The following A1CF variants were observed in gnomAD, a reference collection of about 807,000 sequenced individuals.
A1CF encodes APOBEC-1 stimulating protein.
A neutral mutation model predicts 68.9 loss-of-function variants in A1CF; 48 were observed. That is an observed-to-expected ratio of 0.70 (90% CI 0.55 to 0.89). The LOEUF (loss-of-function observed/expected upper bound fraction) is 0.89, where lower values mean the gene tolerates loss of function less well. Among genes scored for constraint, A1CF ranks in the 40% least tolerant of loss-of-function variants. The pLI, the probability that A1CF is intolerant of heterozygous loss-of-function variation, is 0.00. For synonymous variants in A1CF, 272 were observed against 260.4 expected, an observed-to-expected ratio of 1.04 and a Z score of -0.43; for missense variants, 653 against 718.9, an observed-to-expected ratio of 0.91 and a Z score of 1.05.
chr10:50,809,850 A>G, intron 12 of A1CF, 44 bp downstream of exon 12: 3 of 1,610,784 alleles, frequency 1.9e-6, no homozygotes, highest in Non-Finnish European at 2.5e-6. Context: ...GGGTTTCCCA[A>G]ATACTCTCTG....
intron 2 of A1CF, among the ~76,000 whole-genome samples, chr10:50,863,215 A>G (rs1391450505): frequency 2.6e-5 from 4 of 152,190 alleles, no homozygotes; most frequent in Non-Finnish European, 4.4e-5. Context: ...TTTAATTTTT[A>G]TTTTGCAAAA....
At chr10:50,828,400 G>C (rs1281996617) in intron 6 of A1CF, 105 bp from the exon 7 acceptor site, 1 of 838,670 alleles carries the variant, frequency 1.2e-6, no homozygotes, top group Non-Finnish European at 1.7e-6. Context: ...TTGAGGTCTT[G>C]AATGAGCAAG....
chr10:50,852,920 G>A (rs1370286430), intron 3 of A1CF, among the ~76,000 whole-genome samples: 1 of 152,152 alleles, frequency 6.6e-6, no homozygotes, highest in Admixed American at 6.5e-5. Flanking sequence ...TGGAGAGTTA[G>A]CTTAATTTGG....
chr10:50,857,091 G>A (rs1241707309), intron 3 of A1CF, among the ~76,000 whole-genome samples: 1 of 151,970 alleles, frequency 6.6e-6, no homozygotes, highest in African/African-American at 2.4e-5. Context: ...TGTTACAATT[G>A]TCCTTCAGAT....
At chr10:50,840,095 A>G (rs549238543) in intron 5 of A1CF, among the ~76,000 whole-genome samples, 152 of 152,248 alleles carry the variant, frequency 1.0e-3, no homozygotes, top group African/African-American at 3.4e-3. Flanking sequence ...GACTGTAAGG[A>G]TAATGTATGA....
chr10:50,879,714 C>G (rs1385702598), intron 1 of A1CF, among the ~76,000 whole-genome samples: 1 of 152,184 alleles, frequency 6.6e-6, no homozygotes, highest in Non-Finnish European at 1.5e-5. Context: ...CCCCCATAAT[C>G]CTATCACTTC....
chr10:50,864,457 A>T (rs1840887896), intron 1 of A1CF, among the ~76,000 whole-genome samples: 2 of 152,140 alleles, frequency 1.3e-5, no homozygotes, highest in African/African-American at 4.8e-5. Context: ...CAAAGGACAC[A>T]AAGTATTGAA....
At chr10:50,816,306 A>T (rs778425775) in intron 8 of A1CF, 27 bp from the exon 9 acceptor site, 17 of 1,607,788 alleles carry the variant, frequency 1.1e-5, no homozygotes, top group South Asian at 2.2e-5. Context: ...AGAAATATCA[A>T]CGCGAGATGA....
chr10:50,813,913 G>A lies in A1CF; in HGVS notation c.1267C>T (p.Leu423Phe). 1 of 1,613,792 alleles carries A rather than the reference G, an allele frequency of 6.2e-7. No individual in the cohort carries two copies. The highest frequency in any genetic ancestry group is 8.5e-7 in the Non-Finnish European group (1 of 1,179,806). The change falls in exon 10 of 13, where the codon CTC (leucine) becomes TTC (phenylalanine). Residue 423 changes from leucine to phenylalanine, a missense_variant. By Grantham distance (22) the Leu-to-Phe change is conservative (BLOSUM62 0). Coordinates refer to ENST00000373997, the MANE Select transcript of A1CF (RefSeq NM_014576.4). ...AATGTGACAGGATTCATTGGGGTGAGCTCCATCCCAGGTAAAATGTCATAG... is the reference window on the plus strand; with the variant it reads ...AATGTGACAGGATTCATTGGGGTGAACTCCATCCCAGGTAAAATGTCATAG... Reference protein sequence around the residue: ...KLYDILPGMELTPMNPVTLKP... With the variant: ...KLYDILPGMEFTPMNPVTLKP...
intron 3 of A1CF, among the ~76,000 whole-genome samples, chr10:50,857,214 C>T (rs1004817489): frequency 6.6e-6 from 1 of 151,980 alleles, no homozygotes; most frequent in Non-Finnish European, 1.5e-5. Context: ...TTTAAGGAGT[C>T]CATGTATGAT....
At chr10:50,810,977 A>T in intron 11 of A1CF, 63 bp downstream of exon 11, 1 of 1,503,546 alleles carries the variant, frequency 6.7e-7, no homozygotes, top group Non-Finnish European at 9.0e-7. Context: ...TGGTGACTAA[A>T]TGCATTTAAT....
In A1CF at chr10:50,811,130, T is replaced by C. The variant is rs1390826566; in HGVS notation, c.1370A>G (p.Tyr457Cys). 1 of 1,613,532 alleles carries C rather than the reference T, an allele frequency of 6.2e-7. No individual in the cohort carries two copies. Among genetic ancestry groups the C allele is most frequent in the Admixed American group, 1.7e-5 (1 of 59,990 alleles). Residue 457 changes from tyrosine to cysteine, a missense_variant, in exon 11 of 13, where the codon TAC (tyrosine) becomes TGC (cysteine). Physicochemically the swap from Tyr to Cys is radical, Grantham distance 194 (BLOSUM62 -2). Transcript: ENST00000373997. The stretch of plus-strand genomic sequence containing the variant: ...TTGTCCAATAGCAGAGTGCAGCTGG[T>C]ACACTGGCTGTCCCCAGTTATTTTT... ...CQKNNWGQPV[Y>C]QLHSAIGQDQ...
intron 5 of A1CF, 88 bp downstream of exon 5, chr10:50,841,772 TGG>T: frequency 6.7e-7 from 1 of 1,484,434 alleles, no homozygotes; most frequent in Non-Finnish European, 9.1e-7. Context: ...GCTTTTTTTT[TGG>T]CATACACCAT....
At position 50,810,032 on chromosome 10, in the gene A1CF, T is replaced by A; in HGVS notation, c.1471A>T (p.Thr491Ser). ...ACAAAGGCACTCAGCTTTGGAGGTG[T>A]GAAAGGGTGGCTGGAAAGCAAGTCA... is the stretch of plus-strand genomic sequence containing the variant. The part of the protein sequence containing the change: ...ASQNPAIHPF[T>S]PPKLSAFVDE... Residue 491 changes from threonine (T) to serine (S), a missense_variant, in exon 12 of 13, where the codon ACA (threonine) becomes TCA (serine). By Grantham distance (58) the Thr-to-Ser change is moderately conservative. Coordinates refer to ENST00000373997, the MANE Select transcript of A1CF (RefSeq NM_014576.4). 6.2e-7 allele frequency: 1 copy of A among 1,613,724 alleles called. No individual in the cohort carries two copies. The highest frequency in any genetic ancestry group is 8.5e-7 in the Non-Finnish European group (1 of 1,179,790).
Position 50,815,987 on chromosome 10 carries a change from A to G in A1CF, c.1141+19T>C, listed in dbSNP as rs1564497199. The G allele has an allele frequency of 3.1e-6, 5 of 1,611,174 alleles. No individual in the cohort carries two copies. The highest frequency in any genetic ancestry group is 4.2e-6 in the Non-Finnish European group (5 of 1,177,936). ...TGAAATCTTGGGATTACTCTAAAGC[A>G]AGATCTGACTGGTGTTACCTCTAAC... On this transcript the variant is annotated intron_variant, in intron 9 of 12. Transcript: ENST00000373997.
intron 3 of A1CF, 63 bp from the exon 4 acceptor site, chr10:50,844,185 CTGAG>C: frequency 6.4e-7 from 1 of 1,574,084 alleles, no homozygotes. Context: ...TTCAATTTCC[CTGAG>C]TATTTTTCAA....
rs185612410 is a variant in A1CF at position 50,878,905 on chromosome 10, G to T, written c.-94+6676C>A. 4.0e-4 allele frequency among the ~76,000 whole-genome samples: 61 copies of T among 152,228 alleles called. 3 individuals carry two copies. In the South Asian group the frequency reaches 0.011, roughly 27 times the overall value. On this transcript the variant is annotated intron_variant, in intron 1 of 12. Transcript: ENST00000373997. The stretch of plus-strand genomic sequence containing the variant: ...TTCTTTAATAAGTTAATTCCTTAAA[G>T]ATCAGACAAATACCTGCTACTCAAG...
At position 50,869,828 on chromosome 10, in the gene A1CF, G is replaced by T. The variant is rs185727703; in HGVS notation, c.-93-5748C>A. Among the ~76,000 whole-genome samples, 9 of 151,946 alleles carry T rather than the reference G, an allele frequency of 5.9e-5. No individual in the cohort carries two copies. In the East Asian group the frequency reaches 1.7e-3, roughly 29 times the overall value. On this transcript the variant is annotated intron_variant, in intron 1 of 12. Coordinates refer to ENST00000373997, the MANE Select transcript of A1CF (RefSeq NM_014576.4). ...TACACAAGGCTAATTTGTTATCTCT[G>T]GGTGAGTGGATTAACAAATTATTTT...
At chr10:50,816,449 G>T in intron 8 of A1CF, 170 bp from the exon 9 acceptor site, 1 of 731,684 alleles carries the variant, frequency 1.4e-6, no homozygotes, top group Non-Finnish European at 2.2e-6. Flanking sequence ...AACTTTTTCT[G>T]AGCCATTTTG....
Sources: allele counts gnomAD v4.1 joint callset (sites outside exome capture counted in the v4.1 genomes callset), GRCh38; gene constraint gnomAD v4.1.1; transcripts MANE v1.5; gene names NCBI Gene and HGNC (gene_info 2026-07-23, HGNC 2026-07-21).